RTTN: variants seen among roughly 807,000 people sequenced by gnomAD.
RTTN encodes the protein rotatin.
Under a neutral mutation model 269.2 loss-of-function variants are expected in RTTN, and 182 were observed. The ratio of observed to expected loss-of-function variants is 0.68; its 90% confidence interval spans 0.60 to 0.76. The LOEUF (loss-of-function observed/expected upper bound fraction) is 0.76. Among genes scored for constraint, RTTN ranks in the 30% least tolerant of loss-of-function variants. The probability of loss-of-function intolerance (pLI) is 0.00; values close to 1 mark genes in which losing one functional copy is unlikely to be tolerated. For missense variants in RTTN, 2,545 were observed against 2,608.6 expected, an observed-to-expected ratio of 0.98 and a Z score of 0.53; for synonymous variants, 1,006 against 963.5, an observed-to-expected ratio of 1.04 and a Z score of -0.82.
At chr18:70,100,494 T>A (rs1417767499) in intron 28 of RTTN, among the ~76,000 whole-genome samples, 1 of 152,178 alleles carries the variant, frequency 6.6e-6, no homozygotes, top group Admixed American at 6.5e-5. Flanking sequence ...ACGATGGGGT[T>A]TTCTAAATAT....
At chr18:70,162,126 G>A (rs1172193226) in intron 14 of RTTN, among the ~76,000 whole-genome samples, 1 of 152,076 alleles carries the variant, frequency 6.6e-6, no homozygotes, top group Non-Finnish European at 1.5e-5. Context: ...CATCAACAGT[G>A]GATTGGATAA....
chr18:70,016,216 AAT>A (rs146660457), intron 46 of RTTN, among the ~76,000 whole-genome samples: 115,535 of 152,110 alleles, frequency 0.76, 51,312 homozygotes, highest in East Asian at 1. Context: ...TACACCACAA[AAT>A]ATAAGAAGAA....
At chr18:70,158,474 A>C (rs1182586444) in intron 14 of RTTN, among the ~76,000 whole-genome samples, 1 of 152,212 alleles carries the variant, frequency 6.6e-6, no homozygotes, top group African/African-American at 2.4e-5. Flanking sequence ...AAAGACCATT[A>C]CCTGCCTCCA....
At chr18:70,047,887 A>T in intron 40 of RTTN, 84 bp downstream of exon 40, 2 of 1,023,282 alleles carry the variant, frequency 2.0e-6, no homozygotes, top group Non-Finnish European at 2.9e-6. Context: ...TAAATGACTG[A>T]GACAGTTTTT....
intron 32 of RTTN, among the ~76,000 whole-genome samples, chr18:70,077,215 T>C (rs906886346): frequency 6.6e-6 from 1 of 151,932 alleles, no homozygotes; most frequent in African/African-American, 2.4e-5. Context: ...TTAAAAATAT[T>C]TTGCCATACA....
At chr18:70,129,284 T>C (rs908191574) in intron 23 of RTTN, 1 of 151,918 alleles carries the variant, frequency 6.6e-6, no homozygotes, top group Non-Finnish European at 1.5e-5. Flanking sequence ...TTAAAACTCC[T>C]AAAATGTATA....
In RTTN at chr18:70,184,716, T is replaced by TTTTTTGTG. The variant is rs59000945; in HGVS notation, c.1305+3391_1305+3392insCACAAAAA. ...AAACCACAGCAGGTTTTTTTTTTTT[T>TTTTTTGTG]TGTGTGTGTGTGTGTGTGTGTGTGT... On this transcript the variant is annotated intron_variant, in intron 10 of 48. Transcript: ENST00000640769. Among the ~76,000 whole-genome samples the TTTTTTGTG allele has an allele frequency of 5.7e-4, 19 of 33,446 alleles. 1 individual carries two copies. The highest frequency in any genetic ancestry group is 8.9e-4 in the Admixed American group (2 of 2,246). 21.9% of individuals were successfully genotyped at this position (33,446 alleles called of 152,430 possible).
At chr18:70,122,539 A>G (rs558590845) in intron 25 of RTTN, among the ~76,000 whole-genome samples, 6 of 152,250 alleles carry the variant, frequency 3.9e-5, no homozygotes, top group African/African-American at 1.4e-4. Context: ...AAACTTCATA[A>G]CAACATTATG....
intron 14 of RTTN, among the ~76,000 whole-genome samples, chr18:70,159,660 T>C (rs142800894): frequency 6.6e-6 from 1 of 152,012 alleles, no homozygotes; most frequent in African/African-American, 2.4e-5. Flanking sequence ...TCCAAAAGAA[T>C]ATACAAGATT....
At chr18:70,106,620 T>C (rs2059327605) in intron 28 of RTTN, among the ~76,000 whole-genome samples, 1 of 151,986 alleles carries the variant, frequency 6.6e-6, no homozygotes, top group Admixed American at 6.6e-5. Flanking sequence ...CAGATATAAC[T>C]GAAAATTCAG....
Position 70,054,174 on chromosome 18 carries a change from G to T in RTTN, c.5142C>A (p.Thr1714=), listed in dbSNP as rs746699064. The change falls in exon 38 of 49, where the codon ACC becomes ACA. Residue 1714 remains threonine (T), a synonymous_variant. Transcript: ENST00000640769. ...ATATGGTGAGAATTCCAATGATATT[G>T]GTGATAAGAGGTTTCACAAGCTCAT... ...IQDELVKPLI[T]NIIGILTICT... is the part of the protein sequence containing the mutation. 2 of 1,613,100 alleles carry T rather than the reference G, an allele frequency of 1.2e-6. No individual in the cohort carries two copies. Among genetic ancestry groups the T allele is most frequent in the Non-Finnish European group, 8.5e-7 (1 of 1,179,322 alleles).
At chr18:70,053,873 G>A (rs11877427) in intron 38 of RTTN, among the ~76,000 whole-genome samples, 1 of 152,188 alleles carries the variant, frequency 6.6e-6, no homozygotes, top group African/African-American at 2.4e-5. Context: ...AGAACTCACT[G>A]TACTTTCTAA....
chr18:70,088,119 G>A lies in RTTN; in HGVS notation c.4172C>T (p.Ser1391Leu). 1 of 1,613,516 alleles carries A rather than the reference G, an allele frequency of 6.2e-7. No homozygotes were observed. Among genetic ancestry groups the A allele is most frequent in the South Asian group, 1.1e-5 (1 of 90,978 alleles). Residue 1391 changes from serine to leucine, a missense_variant, in exon 31 of 49, where the codon TCA (serine) becomes TTA (leucine). Coordinates refer to ENST00000640769, the MANE Select transcript of RTTN (RefSeq NM_173630.4). Reference protein sequence around the residue: ...EVRFTSLGLGSALTTLETGCV... With the variant: ...EVRFTSLGLGLALTTLETGCV... ...GCCCGTTTCAAGGGTGGTCAGTGCTGATCCTAATCCCAGTGAAGTGAATCT... is the reference window on the plus strand; with the variant it reads ...GCCCGTTTCAAGGGTGGTCAGTGCTAATCCTAATCCCAGTGAAGTGAATCT...
intron 14 of RTTN, 56 bp downstream of exon 14, chr18:70,166,006 A>G: frequency 6.3e-7 from 1 of 1,575,316 alleles, no homozygotes; most frequent in Non-Finnish European, 8.7e-7. Flanking sequence ...AAGGTATAAC[A>G]AGAGAGTCTA....
intron 32 of RTTN, among the ~76,000 whole-genome samples, chr18:70,081,005 G>T (rs1432065733): frequency 6.6e-6 from 1 of 151,272 alleles, no homozygotes; most frequent in Non-Finnish European, 1.5e-5. Context: ...AAAAAGGAAT[G>T]AATTAATGGT....
At position 70,107,009 on chromosome 18, in the gene RTTN, G is replaced by C. The variant is rs1486946086; in HGVS notation, c.3903+2489C>G. On this transcript the variant is annotated intron_variant, in intron 28 of 48. Coordinates refer to ENST00000640769, the MANE Select transcript of RTTN (RefSeq NM_173630.4). ...AATGAGTAATTTTTGGATTCAGACA[G>C]TTTATTACCTACATAAACAGCAAAA... Among the ~76,000 whole-genome samples, 3 of 152,204 alleles carry C rather than the reference G, an allele frequency of 2.0e-5. No individual in the cohort carries two copies. The East Asian group carries it at 5.8e-4, about 29-fold the overall frequency.
In RTTN at chr18:70,169,385, G is replaced by A. The variant is rs79955017; in HGVS notation, c.1477-318C>T. 5.0e-3 allele frequency among the ~76,000 whole-genome samples: 760 copies of A among 152,084 alleles called. 5 individuals carry two copies. The highest frequency in any genetic ancestry group is 0.017 in the African/African-American group (720 of 41,494). Reference sequence around the variant, plus strand: ...GCACCTTGTATATACCTCTGCTATTGAACTAAGGCATGAGGCCTTTTTCTC... The same window carrying A: ...GCACCTTGTATATACCTCTGCTATTAAACTAAGGCATGAGGCCTTTTTCTC... On this transcript the variant is annotated intron_variant, in intron 11 of 48. Transcript: ENST00000640769.
At chr18:70,042,944 G>A (rs574311495) in intron 40 of RTTN, among the ~76,000 whole-genome samples, 1 of 152,322 alleles carries the variant, frequency 6.6e-6, no homozygotes, top group East Asian at 1.9e-4. Flanking sequence ...CAGCATGCAG[G>A]ATGCAGGAGA....
intron 25 of RTTN, among the ~76,000 whole-genome samples, chr18:70,124,756 AGG>A (rs2059821863): frequency 6.6e-6 from 1 of 152,090 alleles, no homozygotes; most frequent in Non-Finnish European, 1.5e-5. Flanking sequence ...GAGAACCCAC[AGG>A]TGACATGTAT....
Sources: gnomAD v4.1 joint callset for allele counts (sites outside exome capture counted in the v4.1 genomes callset) on GRCh38, gnomAD v4.1.1 for gene constraint, MANE v1.5 for transcripts, NCBI Gene and HGNC (gene_info 2026-07-23, HGNC 2026-07-21) for gene names.